Variants in ARHGEF7 observed in about 807,000 individuals in gnomAD.
ARHGEF7 encodes the protein PAK-interacting exchange factor beta.
In ARHGEF7, 33 loss-of-function variants were observed where a neutral mutation model predicts 109.8. The ratio of observed to expected loss-of-function variants is 0.30; its 90% CI spans 0.23 to 0.40. ARHGEF7 has a LOEUF of 0.40. Among genes scored for constraint, ARHGEF7 ranks in the 10% least tolerant of loss-of-function variants. ARHGEF7 has a pLI of 1.00. For synonymous variants in ARHGEF7, 458 were observed against 424.6 expected (o/e 1.08, Z -0.97); for missense variants, 938 against 1,098.5 (o/e 0.85, Z 2.07).
At chr13:111,271,159 T>G (rs1031055553) in intron 9 of ARHGEF7, among the ~76,000 whole-genome samples, 2 of 152,212 alleles carry the variant, frequency 1.3e-5, no homozygotes, top group Admixed American at 1.3e-4. Context: ...CATTGATGTC[T>G]GTGAGTGCCT....
chr13:111,171,568 G>A (rs1167201411), intron 2 of ARHGEF7, among the ~76,000 whole-genome samples: 2 of 152,214 alleles, frequency 1.3e-5, no homozygotes, highest in Non-Finnish European at 2.9e-5. Context: ...GGCTCATTAT[G>A]TATGTGTTCA....
chr13:111,121,068 G>T (rs1469857081), intron 1 of ARHGEF7, among the ~76,000 whole-genome samples: 1 of 152,204 alleles, frequency 6.6e-6, no homozygotes, highest in Admixed American at 6.5e-5. Context: ...GAGGACTGGA[G>T]GGGCTGGCTC....
Position 111,178,246 on chromosome 13 carries a change from T to C in ARHGEF7, c.252+24255T>C, listed in dbSNP as rs139805802. On this transcript the variant is annotated intron_variant, in intron 2 of 21. Transcript: ENST00000646102. ...GTTCCTGAGGAGTTCCCTTATGTCCTGGGAACCAGCGAGAGAACAGGTTCC... is the reference window on the plus strand; with the variant it reads ...GTTCCTGAGGAGTTCCCTTATGTCCCGGGAACCAGCGAGAGAACAGGTTCC... Among the ~76,000 whole-genome samples the C allele has an allele frequency of 6.6e-5, 10 of 152,350 alleles. 1 individual carries two copies. The East Asian group carries it at 1.7e-3, about 26-fold the overall frequency.
intron 1 of ARHGEF7, among the ~76,000 whole-genome samples, chr13:111,137,981 A>T (rs2075163039): frequency 6.6e-6 from 1 of 152,206 alleles, no homozygotes; most frequent in Non-Finnish European, 1.5e-5. Context: ...TGTGGGAACT[A>T]AGGGCAGCCT....
chr13:111,300,948 T>C, intron 20 of ARHGEF7, 101 bp downstream of exon 20: 1 of 664,244 alleles, frequency 1.5e-6, no homozygotes, highest in South Asian at 2.5e-5. Flanking sequence ...CTTCAGAAGC[T>C]TCACTTTTTT....
At position 111,265,690 on chromosome 13, in the gene ARHGEF7, C is replaced by G. The variant is rs374603809; in HGVS notation, c.951-1858C>G. On this transcript the variant is annotated intron_variant, in intron 8 of 21. Transcript: ENST00000646102. ...GATCATCTGTTACTACAGATGATCA[C>G]CAATTGGATGGTATTAAAAGGTGGG... is the stretch of plus-strand genomic sequence containing the variant. 8.4e-4 allele frequency: 383 copies of G among 456,398 alleles called. 1 individual carries two copies. The highest frequency in any genetic ancestry group is 6.8e-3 in the African/African-American group (339 of 50,154). 28.3% of individuals were successfully genotyped at this position (456,398 alleles called of 1,614,324 possible).
intron 8 of ARHGEF7, among the ~76,000 whole-genome samples, chr13:111,248,499 TAC>T (rs139795188): frequency 0.02 from 2,996 of 152,292 alleles, 90 homozygotes; most frequent in African/African-American, 0.069. Flanking sequence ...GGGCTCCAGT[TAC>T]ACCCATGTAG....
chr13:111,280,697 C>A lies in ARHGEF7; in HGVS notation c.1725+20C>A. 1 of 1,505,444 alleles carries A rather than the reference C, an allele frequency of 6.6e-7. No individual in the cohort carries two copies. The allele number at this position is 1,505,444 out of a possible 1,614,324, so 93.3% of individuals were successfully genotyped here. A position where few individuals can be genotyped will look rare whatever the true frequency, so the allele number is the denominator to read the frequency against. On this transcript the variant is annotated intron_variant, in intron 15 of 21. Transcript: ENST00000646102. ...CATACCGTAAGGACTTGGTGCTTCT[C>A]CTCCTTCCAGACTCCAGGCGTGGCA...
At chr13:111,193,646 G>T (rs2080162167) in intron 2 of ARHGEF7, among the ~76,000 whole-genome samples, 1 of 152,182 alleles carries the variant, frequency 6.6e-6, no homozygotes, top group African/African-American at 2.4e-5. Flanking sequence ...AGTGCCACTA[G>T]TTCTTCTAAC....
In ARHGEF7 at chr13:111,255,337, G is replaced by A. The variant is rs975807317; in HGVS notation, c.950+11043G>A. On this transcript the variant is annotated intron_variant, in intron 8 of 21. Coordinates refer to ENST00000646102, the MANE Select transcript of ARHGEF7 (RefSeq NM_001354046.2). This position sits in a 1 kb window ranked among gnomAD's most constrained non-coding sequence, Gnocchi z 4.1. ...CCGGCCTACTGCATGTGTGGGAAGA[G>A]GTGTGGCCCAGGTAAAGGTTAGGTT... Among the ~76,000 whole-genome samples the A allele has an allele frequency of 1.2e-4, 19 of 152,246 alleles. No individual in the cohort carries two copies. Among genetic ancestry groups the A allele is most frequent in the African/African-American group, 3.9e-4 (16 of 41,474 alleles).
chr13:111,247,625 T>C (rs1024877392), intron 8 of ARHGEF7, among the ~76,000 whole-genome samples: 3 of 152,120 alleles, frequency 2.0e-5, no homozygotes, highest in Non-Finnish European at 1.5e-5. Context: ...CAGACTTGAT[T>C]CGTAGATGTC....
At chr13:111,157,360 C>A (rs185871614) in intron 2 of ARHGEF7, among the ~76,000 whole-genome samples, 1 of 151,286 alleles carries the variant, frequency 6.6e-6, no homozygotes, top group African/African-American at 2.4e-5. Flanking sequence ...TCAAAAGCAA[C>A]CAAAATAATA....
intron 6 of ARHGEF7, among the ~76,000 whole-genome samples, chr13:111,236,524 G>A (rs2086857607): frequency 6.6e-6 from 1 of 152,090 alleles, no homozygotes; most frequent in African/African-American, 2.4e-5. Flanking sequence ...CTCACCTAGA[G>A]CACTTCTGTA....
intron 2 of ARHGEF7, among the ~76,000 whole-genome samples, chr13:111,155,954 G>A (rs539388303): frequency 3.0e-4 from 45 of 152,044 alleles, no homozygotes; most frequent in Admixed American, 3.9e-4. Flanking sequence ...GCGTGGTGGC[G>A]TGCACCTGTA....
At chr13:111,181,178 A>AT (rs1478264499) in intron 2 of ARHGEF7, among the ~76,000 whole-genome samples, 1 of 152,212 alleles carries the variant, frequency 6.6e-6, no homozygotes, top group Non-Finnish European at 1.5e-5. Context: ...TGTGAAATAC[A>AT]TTTTTTAGTG....
At chr13:111,260,583 A>C (rs1039495048) in intron 8 of ARHGEF7, among the ~76,000 whole-genome samples, 4 of 152,278 alleles carry the variant, frequency 2.6e-5, no homozygotes, top group Admixed American at 2.6e-4. Flanking sequence ...TTTTATTAAC[A>C]CCAGCCCTGT....
intron 6 of ARHGEF7, among the ~76,000 whole-genome samples, chr13:111,240,262 T>A (rs1330317921): frequency 6.6e-6 from 1 of 152,174 alleles, no homozygotes; most frequent in African/African-American, 2.4e-5. Flanking sequence ...ACCTTTAACA[T>A]TTAGGAGAAA....
At chr13:111,212,285 A>T (rs1471147529) in intron 4 of ARHGEF7, among the ~76,000 whole-genome samples, 1 of 151,652 alleles carries the variant, frequency 6.6e-6, no homozygotes, top group African/African-American at 2.4e-5. Context: ...GAGAGTTCTT[A>T]CCCACTTCCA....
intron 2 of ARHGEF7, among the ~76,000 whole-genome samples, chr13:111,154,301 C>T (rs944905038): frequency 6.6e-6 from 1 of 152,190 alleles, no homozygotes; most frequent in African/African-American, 2.4e-5. Flanking sequence ...TTTCAACAAC[C>T]GTTTATCAGG....
Sources: gnomAD v4.1 joint callset for allele counts (sites outside exome capture counted in the v4.1 genomes callset) on GRCh38, gnomAD v4.1.1 for gene constraint, Gnocchi (gnomAD v3.1) non-coding constraint, MANE v1.5 for transcripts, NCBI Gene and HGNC (gene_info 2026-07-23, HGNC 2026-07-21) for gene names.